The following KSR2 variants were observed in gnomAD, a reference collection of about 807,000 sequenced individuals.
KSR2 encodes kinase suppressor of ras 2.
KSR2 carries 25 observed loss-of-function variants against 107.8 expected under a neutral mutation model. The ratio of observed to expected loss-of-function variants is 0.23; its 90% CI spans 0.17 to 0.32. The LOEUF (loss-of-function observed/expected upper bound fraction) is 0.32, where lower values mean the gene tolerates loss of function less well. Among genes scored for constraint, KSR2 ranks in the 10% least tolerant of loss-of-function variants. The pLI is 1.00. For missense variants in KSR2, 887 were observed against 1,268.9 expected (o/e 0.70, Z 4.57); for synonymous variants, 480 against 507.0 (o/e 0.95, Z 0.71).
At chr12:117,917,889 T>C (rs1895229630) in intron 1 of KSR2, among the ~76,000 whole-genome samples, 2 of 152,124 alleles carry the variant, frequency 1.3e-5, no homozygotes, top group African/African-American at 4.8e-5. Flanking sequence ...CTTTGAAAAT[T>C]AGGAGAGATA....
intron 2 of KSR2, among the ~76,000 whole-genome samples, chr12:117,859,778 T>C (rs1195230050): frequency 3.9e-5 from 6 of 152,204 alleles, no homozygotes; most frequent in Non-Finnish European, 8.8e-5. Context: ...TTTATAAAAA[T>C]CATCTCATTC....
intron 14 of KSR2, among the ~76,000 whole-genome samples, chr12:117,515,796 T>C (rs891986362): frequency 6.6e-6 from 1 of 152,106 alleles, no homozygotes; most frequent in Non-Finnish European, 1.5e-5. Flanking sequence ...TGAGGTGGCA[T>C]GTGCCTGTAA....
intron 5 of KSR2, among the ~76,000 whole-genome samples, chr12:117,591,120 T>C (rs1403258665): frequency 6.6e-6 from 1 of 152,170 alleles, no homozygotes; most frequent in African/African-American, 2.4e-5. Context: ...CCAGTCAAGA[T>C]GATAGCCCAA....
rs185526111 is a variant in KSR2, at chr12:117,828,077, C to A, written c.472+27351G>T. ...CAGACTCGAACACCAAGGAGCAGAG[C>A]AGCCCAGGGCTCTGGCTACTTCTTG... On this transcript the variant is annotated intron_variant, in intron 3 of 19. Coordinates refer to ENST00000339824, the MANE Select transcript of KSR2 (RefSeq NM_173598.6). Among the ~76,000 whole-genome samples the A allele has an allele frequency of 2.0e-5, 3 of 152,326 alleles. No individual in the cohort carries two copies. The East Asian group carries it at 5.8e-4, about 29-fold the overall frequency.
At chr12:117,712,679 C>G (rs1886831834) in intron 4 of KSR2, among the ~76,000 whole-genome samples, 2 of 152,158 alleles carry the variant, frequency 1.3e-5, no homozygotes, top group South Asian at 4.1e-4. Flanking sequence ...CCTTCAGACT[C>G]AAGACTTCAA....
chr12:117,822,481 A>T (rs961414362), intron 3 of KSR2, among the ~76,000 whole-genome samples: 2 of 152,182 alleles, frequency 1.3e-5, no homozygotes, highest in Non-Finnish European at 2.9e-5. Flanking sequence ...AGTTGAAAAT[A>T]CCCTAAGTTA....
chr12:117,469,311 G>A (rs868253515), intron 19 of KSR2, among the ~76,000 whole-genome samples: 27 of 152,278 alleles, frequency 1.8e-4, no homozygotes, highest in African/African-American at 5.3e-4. Context: ...GCTGGGCCTC[G>A]TGGAGGGGTA....
At chr12:117,636,627 C>A (rs1883091902) in intron 5 of KSR2, among the ~76,000 whole-genome samples, 1 of 152,100 alleles carries the variant, frequency 6.6e-6, no homozygotes, top group South Asian at 2.1e-4. Flanking sequence ...AAAAATAGGT[C>A]CCTAACTTAT....
chr12:117,925,504 A>G (rs1895488331), intron 1 of KSR2, among the ~76,000 whole-genome samples: 2 of 152,302 alleles, frequency 1.3e-5, no homozygotes, highest in East Asian at 3.9e-4. Context: ...TTTAAAGGAG[A>G]AGATCATTAA....
intron 5 of KSR2, among the ~76,000 whole-genome samples, chr12:117,607,970 C>T (rs192466183): frequency 1.6e-4 from 25 of 152,264 alleles, no homozygotes; most frequent in African/African-American, 5.1e-4. Context: ...CACTGCAGCC[C>T]GGCCAACAGG....
chr12:117,758,116 T>C (rs1247984358), intron 4 of KSR2, among the ~76,000 whole-genome samples: 3 of 152,186 alleles, frequency 2.0e-5, no homozygotes, highest in East Asian at 3.9e-4. Context: ...TTCTAACCTC[T>C]TGGGTCCACA....
intron 5 of KSR2, among the ~76,000 whole-genome samples, chr12:117,586,491 G>A (rs1429969727): frequency 2.0e-5 from 3 of 151,384 alleles, no homozygotes; most frequent in Admixed American, 6.6e-5. Flanking sequence ...GGATGCTGAG[G>A]CAGGAGAATC....
chr12:117,695,733 GA>G (rs1886029499), intron 4 of KSR2, among the ~76,000 whole-genome samples: 1 of 150,556 alleles, frequency 6.6e-6, no homozygotes, highest in African/African-American at 2.4e-5. Flanking sequence ...AAAAAAACAA[GA>G]AAAAAAGGAA....
intron 3 of KSR2, among the ~76,000 whole-genome samples, chr12:117,787,029 CAAA>C (rs35140043): frequency 6.8e-6 from 1 of 146,130 alleles, no homozygotes. Flanking sequence ...AACTCCATCT[CAAA>C]AAAAAAAAAA....
intron 14 of KSR2, among the ~76,000 whole-genome samples, chr12:117,490,912 A>AT (rs989161545): frequency 5.3e-5 from 8 of 152,274 alleles, no homozygotes; most frequent in Admixed American, 3.9e-4. Context: ...TTTATCTCAC[A>AT]TTTTTTTGTG....
At chr12:117,854,921 A>T (rs1893050010) in intron 3 of KSR2, among the ~76,000 whole-genome samples, 1 of 152,236 alleles carries the variant, frequency 6.6e-6, no homozygotes, top group Non-Finnish European at 1.5e-5. Flanking sequence ...TCTATTTTTT[A>T]AAGTATACAT....
intron 14 of KSR2, among the ~76,000 whole-genome samples, chr12:117,511,910 T>C (rs964798665): frequency 1.1e-4 from 16 of 151,990 alleles, no homozygotes; most frequent in African/African-American, 3.9e-4. Context: ...ATTTTAGCTC[T>C]CTCCTTGCTG....
chr12:117,556,285 T>C (rs558990742), intron 8 of KSR2, among the ~76,000 whole-genome samples: 1 of 152,332 alleles, frequency 6.6e-6, no homozygotes, highest in South Asian at 2.1e-4. Flanking sequence ...AGGCTGCTTC[T>C]GTCCATATGG....
At chr12:117,469,533 T>C (rs1871314916) in intron 19 of KSR2, 129 bp downstream of exon 19, 27 of 1,076,362 alleles carry the variant, frequency 2.5e-5, no homozygotes, top group Non-Finnish European at 3.5e-5. Context: ...GGAAGAGTGG[T>C]TGCCGAAGGG....
Sources: allele counts gnomAD v4.1 joint callset (sites outside exome capture counted in the v4.1 genomes callset), GRCh38; gene constraint gnomAD v4.1.1; transcripts MANE v1.5; gene names NCBI Gene and HGNC (gene_info 2026-07-23, HGNC 2026-07-21).